The following MXI1 variants were observed in gnomAD, a reference collection of about 807,000 sequenced individuals.
MXI1 encodes the protein MAX interactor 1, dimerization protein.
MXI1 carries 18 observed loss-of-function variants against 36.9 expected under a neutral mutation model. That is an observed-to-expected ratio of 0.49 (90% CI 0.34 to 0.72). MXI1 has a LOEUF of 0.72. Among genes scored for constraint, MXI1 ranks in the 30% least tolerant of loss-of-function variants. The pLI is 0.01. For missense variants in MXI1, 304 were observed against 379.1 expected, an observed-to-expected ratio of 0.80 and a Z score of 1.64; for synonymous variants, 160 against 146.7, an observed-to-expected ratio of 1.09 and a Z score of -0.65.
intron 2 of MXI1, among the ~76,000 whole-genome samples, chr10:110,231,080 C>T (rs542137789): frequency 6.6e-6 from 1 of 152,118 alleles, no homozygotes; most frequent in Non-Finnish European, 1.5e-5. Flanking sequence ...TAAAATGTTA[C>T]TTTAGGCAGG....
In MXI1 at chr10:110,244,831, T is replaced by A; in HGVS notation, c.411T>A (p.Ser137=). The change falls in exon 3 of 6, where the codon TCT becomes TCA. Residue 137 remains serine (S), a synonymous_variant. Transcript: ENST00000332674. ...GSSNTSTANR[S]THNELEKNRR... is the part of the protein sequence containing the mutation. The stretch of plus-strand genomic sequence containing the variant: ...TTTTTTTTTTTTTGTCTTTTAGATC[T>A]ACACACAATGAGCTGGAAAAGAATC... 1 of 1,596,816 alleles carries A rather than the reference T, an allele frequency of 6.3e-7. No homozygotes were observed. The highest frequency in any genetic ancestry group is 1.4e-5 in the African/African-American group (1 of 73,386).
chr10:110,279,416 G>A, intron 4 of MXI1, 122 bp downstream of exon 4: 1 of 783,794 alleles, frequency 1.3e-6, no homozygotes, highest in East Asian at 2.6e-5. Context: ...GACCTCAAGA[G>A]AAGTCTTTCT....
chr10:110,283,638 T>TA (rs899039671), intron 5 of MXI1, among the ~76,000 whole-genome samples: 1 of 152,086 alleles, frequency 6.6e-6, no homozygotes. Flanking sequence ...GCTTTGAATT[T>TA]AAGTAAGGTA....
intron 3 of MXI1, among the ~76,000 whole-genome samples, chr10:110,245,504 G>A (rs1028340913): frequency 1.3e-5 from 2 of 152,136 alleles, no homozygotes; most frequent in Non-Finnish European, 2.9e-5. Context: ...TTTTTGAAGG[G>A]AGTCTTGGAA....
At chr10:110,232,271 A>G (rs1322193702) in intron 2 of MXI1, among the ~76,000 whole-genome samples, 1 of 152,110 alleles carries the variant, frequency 6.6e-6, no homozygotes, top group Non-Finnish European at 1.5e-5. Flanking sequence ...GTTCTTATGA[A>G]TTACATTGGC....
At chr10:110,248,610 T>G (rs1293425500) in intron 3 of MXI1, among the ~76,000 whole-genome samples, 7 of 152,166 alleles carry the variant, frequency 4.6e-5, no homozygotes. Flanking sequence ...CAGGCTGGTT[T>G]CTTACCCTAC....
intron 2 of MXI1, among the ~76,000 whole-genome samples, chr10:110,242,513 C>T (rs997960206): frequency 2.0e-5 from 3 of 151,854 alleles, no homozygotes; most frequent in Non-Finnish European, 4.4e-5. Context: ...TTTTGCTTCT[C>T]GTTATTTGAA....
intron 3 of MXI1, among the ~76,000 whole-genome samples, chr10:110,246,600 T>C (rs543015327): frequency 5.1e-4 from 78 of 152,320 alleles, no homozygotes; most frequent in African/African-American, 1.9e-3. Context: ...AGCATTGTAA[T>C]TATTTCTGCC....
intron 3 of MXI1, among the ~76,000 whole-genome samples, chr10:110,273,259 C>G (rs895872455): frequency 3.3e-5 from 5 of 151,620 alleles, no homozygotes; most frequent in Admixed American, 6.6e-5. Flanking sequence ...GTGTTAGCCA[C>G]AATGGTCTCG....
At position 110,232,525 on chromosome 10, in the gene MXI1, C is replaced by G. The variant is rs377695877; in HGVS notation, c.407+4204C>G. Among the ~76,000 whole-genome samples the G allele has an allele frequency of 7.2e-5, 11 of 152,306 alleles. No individual in the cohort carries two copies. In the South Asian group the frequency reaches 1.7e-3, roughly 23 times the overall value. The stretch of plus-strand genomic sequence containing the variant: ...AGTGTTCATCACATTTGTAGAAATA[C>G]AGTTATCCAGTTGTTTCTTAAATTC... On this transcript the variant is annotated intron_variant, in intron 2 of 5. Transcript: ENST00000332674.
chr10:110,244,925 A>G, intron 3 of MXI1, 68 bp downstream of exon 3: 5 of 1,489,864 alleles, frequency 3.4e-6, no homozygotes, highest in Middle Eastern at 2.4e-4. Context: ...ACCTGTGAAA[A>G]TAATGTAATA....
At chr10:110,249,945 G>T (rs1226473899) in intron 3 of MXI1, among the ~76,000 whole-genome samples, 5 of 152,144 alleles carry the variant, frequency 3.3e-5, no homozygotes, top group Non-Finnish European at 7.4e-5. Flanking sequence ...TGAGATTGTT[G>T]AAGCCCTGGG....
intron 4 of MXI1, among the ~76,000 whole-genome samples, chr10:110,279,568 G>A (rs921355151): frequency 6.6e-6 from 1 of 152,150 alleles, no homozygotes; most frequent in Admixed American, 6.5e-5. Flanking sequence ...TGTGCCCTCT[G>A]GTGGAGATGA....
intron 1 of MXI1, among the ~76,000 whole-genome samples, chr10:110,218,760 C>T (rs1854721413): frequency 1.3e-5 from 2 of 152,058 alleles, no homozygotes; most frequent in Admixed American, 6.5e-5. Flanking sequence ...GAATCCACAC[C>T]CTGTCAGGCT....
chr10:110,271,358 T>TA (rs1856846683), intron 3 of MXI1, among the ~76,000 whole-genome samples: 1 of 152,228 alleles, frequency 6.6e-6, no homozygotes, highest in Non-Finnish European at 1.5e-5. Flanking sequence ...AAACATCCAC[T>TA]AGAAGTATTA....
chr10:110,264,367 G>T (rs1856617410), intron 3 of MXI1, among the ~76,000 whole-genome samples: 2 of 142,550 alleles, frequency 1.4e-5, no homozygotes, highest in Admixed American at 1.5e-4. Context: ...ATTAGTAATT[G>T]ATTTTTTTTT....
chr10:110,209,866 G>A (rs114540872), intron 1 of MXI1, among the ~76,000 whole-genome samples: 1,770 of 152,140 alleles, frequency 0.012, 26 homozygotes, highest in African/African-American at 0.039. Flanking sequence ...GCTCTGACTA[G>A]GGGTACACCC....
intron 2 of MXI1, among the ~76,000 whole-genome samples, chr10:110,236,124 C>CTTTTTTTTTTTT (rs60576710): frequency 3.0e-5 from 1 of 33,576 alleles, no homozygotes; most frequent in Non-Finnish European, 5.6e-5. Flanking sequence ...GGTTGAAGTT[C>CTTTTTTTTTTTT]TTTTTTTTTT....
intron 3 of MXI1, among the ~76,000 whole-genome samples, chr10:110,277,066 G>A (rs1478211318): frequency 6.6e-6 from 1 of 151,998 alleles, no homozygotes; most frequent in East Asian, 1.9e-4. Flanking sequence ...GGCTGGTCTC[G>A]AACTCTTGGC....
Sources: allele counts gnomAD v4.1 joint callset (sites outside exome capture counted in the v4.1 genomes callset), GRCh38; gene constraint gnomAD v4.1.1; transcripts MANE v1.5; gene names NCBI Gene and HGNC (gene_info 2026-07-23, HGNC 2026-07-21).